SVOPL: variants seen among roughly 807,000 people sequenced by gnomAD.
SVOPL encodes putative transporter SVOPL.
Under a neutral mutation model 61.0 loss-of-function variants are expected in SVOPL, and 60 were observed. The ratio of observed to expected loss-of-function variants is 0.98; its 90% CI spans 0.80 to 1.22. SVOPL has a LOEUF of 1.22. SVOPL is among the 50% of genes most tolerant of loss of function. The pLI is 0.00. For synonymous variants in SVOPL, 279 were observed against 250.0 expected (o/e 1.12, Z -1.09); for missense variants, 662 against 643.9 (o/e 1.03, Z -0.30).
chr7:138,697,624 A>T (rs1450678324), intron 1 of SVOPL, among the ~76,000 whole-genome samples: 2 of 142,272 alleles, frequency 1.4e-5, no homozygotes, highest in Admixed American at 1.5e-4. Context: ...AAAAAAAAAA[A>T]AAAAAAGAAG....
At chr7:138,621,866 C>CTATGTATCTATCTATCTATG (rs1563095578) in intron 13 of SVOPL, among the ~76,000 whole-genome samples, 1 of 39,022 alleles carries the variant, frequency 2.6e-5, no homozygotes, top group Non-Finnish European at 5.7e-5. Flanking sequence ...ATCTATCTAT[C>CTATGTATCTATCTATCTATG]TATCTATCTA....
intron 11 of SVOPL, 151 bp from the exon 12 acceptor site, chr7:138,627,612 A>G (rs2116910447): frequency 1.6e-6 from 1 of 627,426 alleles, no homozygotes; most frequent in Non-Finnish European, 2.8e-6. Context: ...TCACGTTGTC[A>G]TCAATTTCAA....
intron 14 of SVOPL, among the ~76,000 whole-genome samples, chr7:138,608,804 T>C (rs1429110025): frequency 6.6e-6 from 1 of 152,180 alleles, no homozygotes; most frequent in African/African-American, 2.4e-5. Flanking sequence ...GAAATACTGA[T>C]ACATTTGAGT....
intron 3 of SVOPL, among the ~76,000 whole-genome samples, chr7:138,673,713 C>G (rs534838491): frequency 6.6e-6 from 1 of 152,290 alleles, no homozygotes; most frequent in Non-Finnish European, 1.5e-5. Context: ...TACAGAAGAG[C>G]TAGATCCATA....
In SVOPL at chr7:138,678,413, A is replaced by G. The variant is rs761275839; in HGVS notation, c.174+21T>C. 66 of 1,545,862 alleles carry G rather than the reference A, an allele frequency of 4.3e-5. No individual in the cohort carries two copies. In the African/African-American group the frequency reaches 8.1e-4, roughly 19 times the overall value. On this transcript the variant is annotated intron_variant, in intron 3 of 15. Coordinates refer to ENST00000674285, the MANE Select transcript of SVOPL (RefSeq NM_001139456.2). Reference sequence around the variant, plus strand: ...TTACAGAGTTTGACACTTTTCGTCAACATCTCGAAGGAGCACTCACCCCAG... The same window carrying G: ...TTACAGAGTTTGACACTTTTCGTCAGCATCTCGAAGGAGCACTCACCCCAG...
rs1216897355 is a variant in SVOPL at position 138,700,701 on chromosome 7, G to GATGA, written c.-35+476_-35+477insTCAT. On this transcript the variant is annotated intron_variant, in intron 1 of 15. Coordinates refer to ENST00000674285, the MANE Select transcript of SVOPL (RefSeq NM_001139456.2). ...AAGAGGATGGATGGATGGATGGATG[G>GATGA]ATGGATGGATGGATGGCAGATGGAT... Among the ~76,000 whole-genome samples, 5 of 149,538 alleles carry GATGA rather than the reference G, an allele frequency of 3.3e-5. No homozygotes were observed. The East Asian group carries it at 5.8e-4, about 17-fold the overall frequency.
intron 4 of SVOPL, chr7:138,663,522 T>C: frequency 2.0e-6 from 2 of 1,018,642 alleles, no homozygotes; most frequent in Non-Finnish European, 2.3e-6. Context: ...CTAGAAGCAG[T>C]CTCCCTTTAT....
intron 14 of SVOPL, among the ~76,000 whole-genome samples, chr7:138,608,884 C>T (rs199588945): frequency 3.9e-5 from 6 of 152,192 alleles, no homozygotes; most frequent in Admixed American, 3.3e-4. Flanking sequence ...ATCTCTGCAA[C>T]GTAATTGCCA....
intron 7 of SVOPL, among the ~76,000 whole-genome samples, chr7:138,650,262 G>C (rs1801355408): frequency 6.6e-6 from 1 of 152,154 alleles, no homozygotes; most frequent in Admixed American, 6.5e-5. Flanking sequence ...TAATAATAGA[G>C]GGTGTGTTAG....
intron 9 of SVOPL, among the ~76,000 whole-genome samples, chr7:138,637,441 TAGATAG>T (rs1371616568): frequency 0.056 from 3,269 of 58,024 alleles, 92 homozygotes; most frequent in African/African-American, 0.063. Context: ...TATATATATA[TAGATAG>T]ATAGATAGAT....
chr7:138,607,560 G>A (rs1209629387), intron 14 of SVOPL, among the ~76,000 whole-genome samples: 1 of 152,144 alleles, frequency 6.6e-6, no homozygotes, highest in Non-Finnish European at 1.5e-5. Context: ...GGGTTAAAAC[G>A]ACCTTTGAAC....
At chr7:138,699,763 G>C (rs954472972) in intron 1 of SVOPL, among the ~76,000 whole-genome samples, 1 of 152,222 alleles carries the variant, frequency 6.6e-6, no homozygotes, top group African/African-American at 2.4e-5. Flanking sequence ...CTGGTGGTGA[G>C]GTGTGGCTCC....
At chr7:138,630,909 C>G (rs1459422756) in intron 9 of SVOPL, among the ~76,000 whole-genome samples, 1 of 147,596 alleles carries the variant, frequency 6.8e-6, no homozygotes, top group East Asian at 2.0e-4. Context: ...CACCATTGCA[C>G]TGCAGCCTGG....
At chr7:138,672,399 G>A (rs2117110388) in intron 3 of SVOPL, among the ~76,000 whole-genome samples, 1 of 152,276 alleles carries the variant, frequency 6.6e-6, no homozygotes, top group South Asian at 2.1e-4. Context: ...TTGCATGGTA[G>A]CACTAGGAGG....
Position 138,644,602 on chromosome 7 carries a change from G to A in SVOPL, c.789+115C>T, listed in dbSNP as rs527366946. 15 of 1,391,488 alleles carry A rather than the reference G, an allele frequency of 1.1e-5. No individual in the cohort carries two copies. The African/African-American group carries it at 1.7e-4, about 16-fold the overall frequency. 86.2% of individuals were successfully genotyped at this position (1,391,488 alleles called of 1,614,324 possible). On this transcript the variant is annotated intron_variant, in intron 9 of 15. Transcript: ENST00000674285. ...TCACATCTTTCCTGGCCATCGCCCT[G>A]CCTCTCAGACAGGACTAGAGAACAA...
In SVOPL at chr7:138,649,121, C is replaced by A; in HGVS notation, c.551G>T (p.Gly184Val). The stretch of plus-strand genomic sequence containing the variant: ...GGCCAAGCCAATGATGAGCAGGGAG[C>A]CCGCAAGCCAGAACACCTAGGAAGA... ...LPLSQVFWLA[G>V]SLLIIGLASV... is the part of the protein sequence containing the mutation. Residue 184 changes from glycine to valine, a missense_variant, in exon 8 of 16, where the codon GGC becomes GTC. By Grantham distance (109) the Gly-to-Val change is moderately radical (BLOSUM62 -3). Transcript: ENST00000674285. The A allele has an allele frequency of 6.2e-7, 1 of 1,613,236 alleles. No individual in the cohort carries two copies. The highest frequency in any genetic ancestry group is 1.1e-5 in the South Asian group (1 of 91,010).
At chr7:138,692,383 G>C (rs1049335173) in intron 1 of SVOPL, among the ~76,000 whole-genome samples, 8 of 152,094 alleles carry the variant, frequency 5.3e-5, no homozygotes, top group African/African-American at 4.8e-5. Context: ...CACCCCACCT[G>C]CTGAGCATGA....
intron 14 of SVOPL, among the ~76,000 whole-genome samples, chr7:138,620,283 G>A (rs1799503264): frequency 1.3e-5 from 2 of 150,600 alleles, no homozygotes; most frequent in Admixed American, 6.6e-5. Flanking sequence ...ACCATGCCCA[G>A]CTCATTTTTG....
intron 13 of SVOPL, among the ~76,000 whole-genome samples, chr7:138,622,176 GTCTATGTATCTATCTATCTA>G (rs879374175): frequency 0.26 from 13,581 of 52,572 alleles, 1,558 homozygotes; most frequent in African/African-American, 0.35. Context: ...GTATCTATCT[GTCTATGTATCTATCTATCTA>G]TCTATGTATC....
Sources: gnomAD v4.1 joint callset for allele counts (sites outside exome capture counted in the v4.1 genomes callset) on GRCh38, gnomAD v4.1.1 for gene constraint, MANE v1.5 for transcripts, NCBI Gene and HGNC (gene_info 2026-07-23, HGNC 2026-07-21) for gene names.